Variants in TTC21B observed in about 807,000 individuals in gnomAD.
TTC21B encodes the protein tetratricopeptide repeat domain 21B, also known as tetratricopeptide repeat protein 21B.
In TTC21B, 127 loss-of-function variants were observed where a neutral mutation model predicts 175.1. That is an observed-to-expected ratio of 0.73 (90% CI 0.63 to 0.84). The LOEUF is 0.84. TTC21B is among the 40% of genes least tolerant of loss of function. The pLI is 0.00. For missense variants in TTC21B, 1,561 were observed against 1,558.3 expected, an observed-to-expected ratio of 1.00 and a Z score of -0.03; for synonymous variants, 524 against 524.5, an observed-to-expected ratio of 1.00 and a Z score of 0.01.
At chr2:165,907,895 G>A in intron 18 of TTC21B, 111 bp from the exon 19 acceptor site, 1 of 711,450 alleles carries the variant, frequency 1.4e-6, no homozygotes, top group Admixed American at 2.5e-5. Context: ...GAAAAATAGT[G>A]AATACGGTTA....
intron 12 of TTC21B, 67 bp from the exon 13 acceptor site, chr2:165,919,500 G>C: frequency 6.5e-7 from 1 of 1,532,772 alleles, no homozygotes; most frequent in Non-Finnish European, 9.0e-7. Context: ...AGAGGGAAGA[G>C]GAAGAAGAGT....
chr2:165,941,065 G>A lies in TTC21B; in HGVS notation c.672C>T (p.Ala224=). The part of the protein sequence containing the change: ...AFVKKMKLQL[A]LQDWDQTVET... ...CAACTGTCTGGTCCCAATCCTGCAA[G>A]GCTAGTTGTAATTTCATTTTCTTAA... The change falls in exon 6 of 29, where the codon GCC becomes GCT. Residue 224 remains alanine (A), a synonymous_variant. Coordinates refer to ENST00000243344, the MANE Select transcript of TTC21B (RefSeq NM_024753.5). 6.2e-7 allele frequency: 1 copy of A among 1,613,936 alleles called. No homozygotes were observed. The highest frequency in any genetic ancestry group is 8.5e-7 in the Non-Finnish European group (1 of 1,179,878).
intron 24 of TTC21B, 125 bp downstream of exon 24, chr2:165,890,350 CTATT>C (rs1160420570): frequency 4.9e-6 from 4 of 819,354 alleles, no homozygotes; most frequent in East Asian, 2.7e-5. Context: ...AATGAAATGC[CTATT>C]TATTTAATTT....
chr2:165,901,469 G>GC (rs1003214948), intron 20 of TTC21B, among the ~76,000 whole-genome samples: 1 of 151,694 alleles, frequency 6.6e-6, no homozygotes, highest in Non-Finnish European at 1.5e-5. Flanking sequence ...TACAGGAGGC[G>GC]CCCCCCACCA....
At chr2:165,875,048 A>C (rs1684621259) in intron 28 of TTC21B, among the ~76,000 whole-genome samples, 1 of 151,484 alleles carries the variant, frequency 6.6e-6, no homozygotes, top group Non-Finnish European at 1.5e-5. Context: ...TAAATATCAA[A>C]TGCAGAAAAT....
Position 165,907,943 on chromosome 2 carries a change from TA to T in TTC21B, c.2462-160del, listed in dbSNP as rs58336772. Among the ~76,000 whole-genome samples the T allele has an allele frequency of 0.14, 20,309 of 146,136 alleles. 1,653 individuals carry two copies. Among genetic ancestry groups the T allele is most frequent in the East Asian group, 0.32 (1,613 of 5,058 alleles). On this transcript the variant is annotated intron_variant, in intron 18 of 28. Transcript: ENST00000243344. ...TCAGTTGCCTGAAGAATGGCCAAAT[TA>T]AAAAAAAAAAGAAAAGATTTAGGAT...
intron 22 of TTC21B, among the ~76,000 whole-genome samples, chr2:165,895,944 A>G (rs969411407): frequency 1.1e-4 from 16 of 152,164 alleles, no homozygotes; most frequent in African/African-American, 3.6e-4. Flanking sequence ...AAAACAGACC[A>G]TATTTTCTCC....
At chr2:165,879,943 A>G (rs1684786232) in intron 27 of TTC21B, 1 of 152,308 alleles carries the variant, frequency 6.6e-6, no homozygotes. Flanking sequence ...ACAGGACTGA[A>G]GATTGCAATT....
At chr2:165,912,300 T>A (rs890708306) in intron 17 of TTC21B, among the ~76,000 whole-genome samples, 5 of 152,158 alleles carry the variant, frequency 3.3e-5, no homozygotes, top group Middle Eastern at 3.2e-3. Context: ...AGCTGCAAGA[T>A]GAAGCAAGGT....
intron 15 of TTC21B, among the ~76,000 whole-genome samples, chr2:165,914,657 C>CTGTGTGTGTGTGTGTGTG (rs551411661): frequency 0.01 from 1,193 of 118,124 alleles, 23 homozygotes; most frequent in Middle Eastern, 0.028. Context: ...GAAGAGCAAT[C>CTGTGTGTGTGTGTGTGTG]TGTGTGTGTG....
At chr2:165,908,660 T>A (rs750960857) in intron 18 of TTC21B, among the ~76,000 whole-genome samples, 1 of 152,154 alleles carries the variant, frequency 6.6e-6, no homozygotes, top group Non-Finnish European at 1.5e-5. Flanking sequence ...AAGATTAATA[T>A]GAGTCCTGAT....
At chr2:165,913,866 T>C (rs954396020) in intron 15 of TTC21B, among the ~76,000 whole-genome samples, 8 of 152,190 alleles carry the variant, frequency 5.3e-5, no homozygotes, top group African/African-American at 1.9e-4. Context: ...TTCCATTTTC[T>C]GAAATGCAGG....
chr2:165,876,111 A>T lies in TTC21B; in HGVS notation c.3873+54T>A, dbSNP rs1387602463. On this transcript the variant is annotated intron_variant, in intron 28 of 28. Coordinates refer to ENST00000243344, the MANE Select transcript of TTC21B (RefSeq NM_024753.5). ...TCACATACATCTGGAGATTTAAAAAAGTAGGAAATTGTGCATCTGAAAAAT... is the reference window on the plus strand; with the variant it reads ...TCACATACATCTGGAGATTTAAAAATGTAGGAAATTGTGCATCTGAAAAAT... The T allele has an allele frequency of 6.9e-6, 7 of 1,021,776 alleles. No homozygotes were observed. In the East Asian group the frequency reaches 1.7e-4, roughly 24 times the overall value. 63.3% of individuals were successfully genotyped at this position (1,021,776 alleles called of 1,614,324 possible). A position where few individuals can be genotyped will look rare whatever the true frequency, so the allele number is the denominator to read the frequency against.
At chr2:165,906,217 C>T (rs1685725675) in intron 19 of TTC21B, among the ~76,000 whole-genome samples, 1 of 123,568 alleles carries the variant, frequency 8.1e-6, no homozygotes, top group Admixed American at 8.9e-5. Flanking sequence ...ATAACAAAAG[C>T]TCGAAATCCA....
chr2:165,893,297 T>C (rs991421908), intron 22 of TTC21B, among the ~76,000 whole-genome samples: 1 of 152,158 alleles, frequency 6.6e-6, no homozygotes, highest in Non-Finnish European at 1.5e-5. Flanking sequence ...AACTACCCCA[T>C]AATAAAGCCA....
intron 22 of TTC21B, among the ~76,000 whole-genome samples, 164 bp from the exon 23 acceptor site, chr2:165,891,152 A>G (rs1574071733): frequency 1.3e-5 from 2 of 152,118 alleles, no homozygotes; most frequent in African/African-American, 4.8e-5. Context: ...TGTATGGCCA[A>G]CTAGATGATC....
At chr2:165,903,591 C>A (rs763743337) in intron 19 of TTC21B, among the ~76,000 whole-genome samples, 19 of 152,032 alleles carry the variant, frequency 1.2e-4, no homozygotes, top group Non-Finnish European at 2.1e-4. Flanking sequence ...GGACCGTAAG[C>A]AAGAAATAAC....
At chr2:165,875,448 ATTCTT>A (rs1041442790) in intron 28 of TTC21B, among the ~76,000 whole-genome samples, 2 of 152,156 alleles carry the variant, frequency 1.3e-5, no homozygotes, top group African/African-American at 4.8e-5. Context: ...GCATTACAAA[ATTCTT>A]TTCTAATGAA....
chr2:165,888,782 T>C (rs991431820), intron 24 of TTC21B, among the ~76,000 whole-genome samples: 13 of 152,106 alleles, frequency 8.5e-5, no homozygotes, highest in African/African-American at 3.1e-4. Context: ...TTCCAGCAAA[T>C]ATAAAACTAT....
Sources: allele counts gnomAD v4.1 joint callset (sites outside exome capture counted in the v4.1 genomes callset), GRCh38; gene constraint gnomAD v4.1.1; transcripts MANE v1.5; gene names NCBI Gene and HGNC (gene_info 2026-07-23, HGNC 2026-07-21).